IQGAP2: variants seen among roughly 807,000 people sequenced by gnomAD.
IQGAP2 encodes the protein IQ motif containing GTPase activating protein 2.
In IQGAP2, 173 loss-of-function variants were observed where a neutral mutation model predicts 201.3. That is an observed-to-expected ratio of 0.86 (90% CI 0.76 to 0.98). The LOEUF is 0.98. IQGAP2 is among the 50% of genes least tolerant of loss of function. The pLI is 0.00. For synonymous variants in IQGAP2, 675 were observed against 673.9 expected, an observed-to-expected ratio of 1.00 and a Z score of -0.03; for missense variants, 1,687 against 1,864.8, an observed-to-expected ratio of 0.90 and a Z score of 1.76.
intron 20 of IQGAP2, among the ~76,000 whole-genome samples, chr5:76,656,594 T>A (rs531883045): frequency 6.6e-6 from 1 of 151,014 alleles, no homozygotes; most frequent in Non-Finnish European, 1.5e-5. Flanking sequence ...AAATAAATTT[T>A]CCAAATGAAC....
chr5:76,663,851 C>G (rs1020211572), intron 21 of IQGAP2, among the ~76,000 whole-genome samples: 2 of 152,174 alleles, frequency 1.3e-5, no homozygotes, highest in Admixed American at 1.3e-4. Context: ...ACTTTTCTTC[C>G]GAAGTTTCCT....
intron 2 of IQGAP2, among the ~76,000 whole-genome samples, chr5:76,548,346 A>C (rs1421367593): frequency 6.6e-6 from 1 of 152,208 alleles, no homozygotes; most frequent in Non-Finnish European, 1.5e-5. Flanking sequence ...CCTGAAGAGT[A>C]TGTTCACCTT....
chr5:76,697,837 T>G, intron 32 of IQGAP2, 150 bp from the exon 33 acceptor site: 2 of 554,774 alleles, frequency 3.6e-6, no homozygotes. Context: ...AACCCTGTGG[T>G]GTTGAGAGTA....
At chr5:76,610,945 C>A in intron 12 of IQGAP2, 75 bp from the exon 13 acceptor site, 1 of 1,269,422 alleles carries the variant, frequency 7.9e-7, no homozygotes, top group Non-Finnish European at 1.1e-6. Context: ...GTTAATTAGC[C>A]TTTTGCAATC....
Position 76,450,216 on chromosome 5 carries a change from G to A in IQGAP2, c.47-11354G>A, listed in dbSNP as rs141122042. Among the ~76,000 whole-genome samples the A allele has an allele frequency of 1.7e-3, 256 of 152,206 alleles. 2 individuals carry two copies. Among genetic ancestry groups the A allele is most frequent in the Middle Eastern group, 0.01 (3 of 292 alleles). The stretch of plus-strand genomic sequence containing the variant: ...CTTTCCAAGTAGTTTACACAATCAC[G>A]GGTTGTATACATTATCTTCAGCCTG... On this transcript the variant is annotated intron_variant, in intron 1 of 35. Transcript: ENST00000274364.
intron 16 of IQGAP2, among the ~76,000 whole-genome samples, chr5:76,638,170 G>T (rs1751292500): frequency 6.6e-6 from 1 of 152,186 alleles, no homozygotes; most frequent in African/African-American, 2.4e-5. Flanking sequence ...AATAAAAGAA[G>T]AAACTCATTT....
intron 2 of IQGAP2, among the ~76,000 whole-genome samples, chr5:76,525,957 C>A (rs1758948086): frequency 6.6e-6 from 1 of 152,068 alleles, no homozygotes; most frequent in African/African-American, 2.4e-5. Flanking sequence ...GGTGGGTGGT[C>A]CATACATTCA....
At chr5:76,644,295 C>CTTTTTGTTTTTTTTTTTTTTTT (rs1751840272) in intron 17 of IQGAP2, among the ~76,000 whole-genome samples, 1 of 47,778 alleles carries the variant, frequency 2.1e-5, no homozygotes, top group Non-Finnish European at 4.3e-5. Context: ...TTTGTAAATC[C>CTTTTTGTTTTTTTTTTTTTTTT]TTTTTTTTTT....
chr5:76,501,638 C>CTTTCCTTTT (rs1757278847), intron 2 of IQGAP2, among the ~76,000 whole-genome samples: 1 of 24,994 alleles, frequency 4.0e-5, no homozygotes, highest in Admixed American at 3.5e-4. Context: ...TTTCTTTTTC[C>CTTTCCTTTT]TTTTCTTTTT....
At chr5:76,671,661 C>A in intron 23 of IQGAP2, 98 bp from the exon 24 acceptor site, 2 of 846,396 alleles carry the variant, frequency 2.4e-6, no homozygotes, top group Non-Finnish European at 3.7e-6. Flanking sequence ...GCACTCCAGC[C>A]TGGGTGACAG....
intron 22 of IQGAP2, among the ~76,000 whole-genome samples, chr5:76,668,012 A>G (rs758523465): frequency 1.5e-4 from 22 of 151,286 alleles, no homozygotes; most frequent in Non-Finnish European, 3.1e-4. Flanking sequence ...CTTGAGTAGC[A>G]GGGACTGCAT....
rs1417876457 is a variant in IQGAP2 at position 76,620,384 on chromosome 5, G to T, written c.1522-7026G>T. On this transcript the variant is annotated intron_variant, in intron 13 of 35. Coordinates refer to ENST00000274364, the MANE Select transcript of IQGAP2 (RefSeq NM_006633.5). ...GGACTTGGTTCTGATTGGCTTTGGG[G>T]TGCAGTGAGGGAGAGGCAGGAAGCA... Among the ~76,000 whole-genome samples the T allele has an allele frequency of 2.0e-5, 3 of 152,252 alleles. No individual in the cohort carries two copies. The East Asian group carries it at 5.8e-4, about 29-fold the overall frequency.
chr5:76,668,785 TC>T lies in IQGAP2; in HGVS notation c.2785del (p.Gln929SerfsTer19). 6.2e-7 allele frequency: 1 copy of T among 1,609,320 alleles called. No individual in the cohort carries two copies. The highest frequency in any genetic ancestry group is 8.5e-7 in the Non-Finnish European group (1 of 1,177,572). On this transcript the variant is annotated frameshift_variant, in exon 23 of 36. Coordinates refer to ENST00000274364, the MANE Select transcript of IQGAP2 (RefSeq NM_006633.5). LOFTEE classifies it high-confidence loss of function. ...IFTLYNYASNQREEYLLLKLF... is the reference protein window; with the variant it reads ...IFTLYNYASNXREEYLLLKLF... ...TCACACTATATAATTATGCCTCTAA[TC>T]AGCGAGAAGAATATCTACTTCTCAA...
chr5:76,663,864 C>T (rs775364429), intron 21 of IQGAP2, among the ~76,000 whole-genome samples: 5 of 152,228 alleles, frequency 3.3e-5, no homozygotes, highest in African/African-American at 7.2e-5. Context: ...AGTTTCCTGG[C>T]TTCTCTTAAG....
chr5:76,639,918 T>G (rs974198558), intron 16 of IQGAP2, among the ~76,000 whole-genome samples: 5 of 152,146 alleles, frequency 3.3e-5, no homozygotes, highest in African/African-American at 9.7e-5. Context: ...TACTAAAAAT[T>G]TATATGCCAT....
At chr5:76,658,254 A>G (rs1199751769) in intron 20 of IQGAP2, among the ~76,000 whole-genome samples, 5 of 152,206 alleles carry the variant, frequency 3.3e-5, no homozygotes, top group Non-Finnish European at 7.3e-5. Context: ...GAGTGGGGCC[A>G]GATATCTGTT....
intron 1 of IQGAP2, among the ~76,000 whole-genome samples, chr5:76,423,000 A>G (rs892707185): frequency 6.6e-6 from 1 of 152,232 alleles, no homozygotes; most frequent in African/African-American, 2.4e-5. Flanking sequence ...AGAATGAACC[A>G]GGCAATGCTA....
intron 30 of IQGAP2, among the ~76,000 whole-genome samples, chr5:76,684,841 TG>T (rs1407600425): frequency 1.3e-5 from 2 of 152,066 alleles, no homozygotes; most frequent in African/African-American, 4.8e-5. Context: ...CATCTCCACT[TG>T]ATTTTTTTTT....
chr5:76,682,123 C>T (rs1482442383), intron 28 of IQGAP2, among the ~76,000 whole-genome samples: 1 of 152,158 alleles, frequency 6.6e-6, no homozygotes, highest in Non-Finnish European at 1.5e-5. Flanking sequence ...AACTGTTCTA[C>T]AGTCAGAGAG....
Sources: allele counts gnomAD v4.1 joint callset (sites outside exome capture counted in the v4.1 genomes callset), GRCh38; gene constraint gnomAD v4.1.1; transcripts MANE v1.5; gene names NCBI Gene and HGNC (gene_info 2026-07-23, HGNC 2026-07-21).